STAB2: variants seen among roughly 807,000 people sequenced by gnomAD.
The protein encoded by STAB2 is stabilin 2, also known as stabilin-2.
Under a neutral mutation model 338.1 loss-of-function variants are expected in STAB2, and 288 were observed. That is an observed-to-expected ratio of 0.85 (90% CI 0.77 to 0.94). The LOEUF is 0.94. STAB2 is among the 40% of genes least tolerant of loss of function. The pLI is 0.00. For synonymous variants in STAB2, 1,202 were observed against 1,193.3 expected, an observed-to-expected ratio of 1.01 and a Z score of -0.15; for missense variants, 3,141 against 3,210.1, an observed-to-expected ratio of 0.98 and a Z score of 0.52.
At chr12:103,732,404 G>A (rs1881705017) in intron 50 of STAB2, among the ~76,000 whole-genome samples, 1 of 152,194 alleles carries the variant, frequency 6.6e-6, no homozygotes, top group African/African-American at 2.4e-5. Context: ...GAGGAGAATA[G>A]GGAGGAGCAG....
chr12:103,609,085 T>C (rs1957079461), intron 3 of STAB2, among the ~76,000 whole-genome samples: 1 of 152,228 alleles, frequency 6.6e-6, no homozygotes, highest in Non-Finnish European at 1.5e-5. Flanking sequence ...TTTTGGTTAC[T>C]GTAGCCTTGT....
chr12:103,727,404 T>C (rs1566052168), intron 47 of STAB2, 54 bp downstream of exon 47: 2 of 1,589,670 alleles, frequency 1.3e-6, no homozygotes, highest in Non-Finnish European at 1.7e-6. Context: ...AACATAGTCC[T>C]TGGGCCTCGC....
chr12:103,718,698 G>A (rs1348153532), intron 44 of STAB2, among the ~76,000 whole-genome samples: 1 of 152,210 alleles, frequency 6.6e-6, no homozygotes, highest in Non-Finnish European at 1.5e-5. Context: ...CAGACATAGA[G>A]AGTTTTGAGA....
intron 53 of STAB2, among the ~76,000 whole-genome samples, chr12:103,738,025 T>G (rs921046147): frequency 6.6e-6 from 1 of 152,142 alleles, no homozygotes; most frequent in Non-Finnish European, 1.5e-5. Context: ...TTCACTCCCT[T>G]ATCATTGAGA....
intron 17 of STAB2, among the ~76,000 whole-genome samples, 168 bp downstream of exon 17, chr12:103,660,931 T>C (rs1874555086): frequency 4.6e-5 from 7 of 152,140 alleles, no homozygotes; most frequent in Admixed American, 4.6e-4. Context: ...AGCAACTACA[T>C]GCGTGAGAGT....
chr12:103,682,696 T>A (rs1877029745), intron 25 of STAB2, among the ~76,000 whole-genome samples: 1 of 152,082 alleles, frequency 6.6e-6, no homozygotes, highest in Non-Finnish European at 1.5e-5. Flanking sequence ...ATGCCTGTAA[T>A]CCTAGCACTT....
chr12:103,697,833 G>T (rs1053791295), intron 33 of STAB2, among the ~76,000 whole-genome samples: 2 of 152,212 alleles, frequency 1.3e-5, no homozygotes, highest in Non-Finnish European at 2.9e-5. Flanking sequence ...ATGGGAGGAG[G>T]TTGGAATTTC....
At chr12:103,724,668 G>A (rs1213647759) in intron 44 of STAB2, among the ~76,000 whole-genome samples, 1 of 152,114 alleles carries the variant, frequency 6.6e-6, no homozygotes, top group Non-Finnish European at 1.5e-5. Context: ...CAAACAGGTG[G>A]GGTCTTCCTA....
At chr12:103,642,376 C>T (rs745589504) in intron 9 of STAB2, among the ~76,000 whole-genome samples, 1 of 152,154 alleles carries the variant, frequency 6.6e-6, no homozygotes, top group Non-Finnish European at 1.5e-5. Flanking sequence ...GTAATAAGCA[C>T]AGTTTACATT....
Position 103,763,540 on chromosome 12 carries a change from A to G in STAB2, c.7537A>G (p.Asn2513Asp). 6.2e-7 allele frequency: 1 copy of G among 1,614,034 alleles called. No homozygotes were observed. ...VAALGKQQPE[N>D]ISNPLYESTT... ...AGCTCTTGGCAAGCAGCAGCCTGAG[A>G]ATATCTCGAACCCCTTGTATGAGAG... The change falls in exon 68 of 69, where the codon AAT becomes GAT. Residue 2513 changes from asparagine (N) to aspartate (D), a missense_variant. Transcript: ENST00000388887.
chr12:103,747,824 A>G (rs1209612057), intron 58 of STAB2, among the ~76,000 whole-genome samples: 1 of 152,038 alleles, frequency 6.6e-6, no homozygotes, highest in Non-Finnish European at 1.5e-5. Flanking sequence ...GTGAAACCCC[A>G]TCTCTACTAA....
chr12:103,590,506 C>T (rs1444919549), intron 1 of STAB2, among the ~76,000 whole-genome samples: 1 of 152,214 alleles, frequency 6.6e-6, no homozygotes, highest in Non-Finnish European at 1.5e-5. Flanking sequence ...TGATCTATGA[C>T]CAATTGACCT....
intron 22 of STAB2, among the ~76,000 whole-genome samples, chr12:103,672,190 T>C (rs755054462): frequency 4.6e-5 from 7 of 152,200 alleles, no homozygotes; most frequent in Non-Finnish European, 8.8e-5. Context: ...TCCTACCTTA[T>C]TTGATCTTCA....
intron 6 of STAB2, among the ~76,000 whole-genome samples, chr12:103,632,120 C>T (rs766649748): frequency 1.4e-4 from 22 of 152,218 alleles, no homozygotes; most frequent in Non-Finnish European, 2.1e-4. Flanking sequence ...GCTTCACCAA[C>T]GCTGAGTGAT....
chr12:103,737,070 A>C (rs1217731354), intron 52 of STAB2, among the ~76,000 whole-genome samples: 1 of 152,228 alleles, frequency 6.6e-6, no homozygotes, highest in Admixed American at 6.5e-5. Context: ...AAGAAAGCCA[A>C]ACCGGGCACT....
rs559162121 is a variant in STAB2, at chr12:103,712,487, C to T, written c.4411+44C>T. 6.1e-6 allele frequency: 9 copies of T among 1,468,546 alleles called. No individual in the cohort carries two copies. The African/African-American group carries it at 6.9e-5, about 11-fold the overall frequency. 91.0% of individuals were successfully genotyped at this position (1,468,546 alleles called of 1,614,324 possible). ...TTGCTGGGGGGGCTGGCAAGGCTTG[C>T]ACAGGCTATTGAGAGGTTCTTGTTC... On this transcript the variant is annotated intron_variant, in intron 41 of 68. Coordinates refer to ENST00000388887, the MANE Select transcript of STAB2 (RefSeq NM_017564.10).
chr12:103,683,603 T>C (rs1357983955), intron 26 of STAB2, among the ~76,000 whole-genome samples: 1 of 152,222 alleles, frequency 6.6e-6, no homozygotes, highest in Non-Finnish European at 1.5e-5. Context: ...TTATAATTAC[T>C]CATTTTTCAC....
chr12:103,663,047 C>G, intron 18 of STAB2, 49 bp downstream of exon 18: 1 of 1,600,180 alleles, frequency 6.2e-7, no homozygotes, highest in Non-Finnish European at 8.5e-7. Flanking sequence ...CCCCTCAGAG[C>G]AGAGAGCATC....
At chr12:103,669,691 C>A in intron 21 of STAB2, 64 bp downstream of exon 21, 1 of 1,447,828 alleles carries the variant, frequency 6.9e-7, no homozygotes, top group Non-Finnish European at 9.7e-7. Context: ...ACTTCTAAAC[C>A]AAAATGTGAT....
Sources: gnomAD v4.1 joint callset for allele counts (sites outside exome capture counted in the v4.1 genomes callset) on GRCh38, gnomAD v4.1.1 for gene constraint, MANE v1.5 for transcripts, NCBI Gene and HGNC (gene_info 2026-07-23, HGNC 2026-07-21) for gene names.